CDH8: variants seen among roughly 807,000 people sequenced by gnomAD.
CDH8 encodes the protein cadherin 8.
In CDH8, 17 loss-of-function variants were observed where a neutral mutation model predicts 68.1. The ratio of observed to expected loss-of-function variants is 0.25; its 90% CI spans 0.17 to 0.37. The LOEUF (loss-of-function observed/expected upper bound fraction) is 0.37, where lower values mean the gene tolerates loss of function less well. Among genes scored for constraint, CDH8 ranks in the 10% least tolerant of loss-of-function variants. The probability of loss-of-function intolerance (pLI) is 1.00; values close to 1 mark genes in which losing one functional copy is unlikely to be tolerated. For synonymous variants in CDH8, 372 were observed against 365.1 expected (o/e 1.02, Z -0.21); for missense variants, 763 against 999.3 (o/e 0.76, Z 3.19).
chr16:61,794,054 A>G (rs1391691913), intron 7 of CDH8, among the ~76,000 whole-genome samples: 1 of 152,064 alleles, frequency 6.6e-6, no homozygotes, highest in African/African-American at 2.4e-5. Flanking sequence ...ATCTAAGTAA[A>G]CATGATTTAT....
intron 8 of CDH8, among the ~76,000 whole-genome samples, chr16:61,767,505 A>C (rs1960625110): frequency 6.6e-6 from 1 of 151,924 alleles, no homozygotes; most frequent in Admixed American, 6.6e-5. Context: ...AGAATAAAGA[A>C]TCAGTGTGCA....
intron 4 of CDH8, among the ~76,000 whole-genome samples, chr16:61,825,663 T>C (rs1962315671): frequency 6.6e-6 from 1 of 151,846 alleles, no homozygotes; most frequent in Non-Finnish European, 1.5e-5. Flanking sequence ...AAATGTGTCA[T>C]TAGAATCAAC....
At chr16:61,688,838 G>C (rs901152434) in intron 10 of CDH8, among the ~76,000 whole-genome samples, 1 of 151,872 alleles carries the variant, frequency 6.6e-6, no homozygotes, top group Non-Finnish European at 1.5e-5. Context: ...TCTTCAAAGC[G>C]ATGTTTTCAA....
intron 2 of CDH8, among the ~76,000 whole-genome samples, chr16:61,930,835 T>A (rs1311266064): frequency 6.6e-6 from 1 of 152,202 alleles, no homozygotes; most frequent in Non-Finnish European, 1.5e-5. Context: ...TCTAGATATT[T>A]GTCTGCAACA....
intron 2 of CDH8, among the ~76,000 whole-genome samples, chr16:61,981,352 G>A (rs1229475136): frequency 1.3e-5 from 2 of 152,064 alleles, no homozygotes; most frequent in Non-Finnish European, 2.9e-5. Context: ...ACCATAAAAT[G>A]TACACAGTCT....
In CDH8 at chr16:61,854,282, T is replaced by A. The variant is rs1389215393; in HGVS notation, c.667+2837A>T. ...TTTAGGCTTGACCTCAGGATCCAAG[T>A]CAAGACCCTGCTTTCCACAGGCACA... On this transcript the variant is annotated intron_variant, in intron 4 of 11. Coordinates refer to ENST00000577390, the MANE Select transcript of CDH8 (RefSeq NM_001796.5). Among the ~76,000 whole-genome samples, 4 of 151,990 alleles carry A rather than the reference T, an allele frequency of 2.6e-5. No homozygotes were observed. The South Asian group carries it at 8.3e-4, about 31-fold the overall frequency.
chr16:61,782,653 A>C lies in CDH8; in HGVS notation c.1414+6693T>G, dbSNP rs374856279. Among the ~76,000 whole-genome samples, 67 of 152,032 alleles carry C rather than the reference A, an allele frequency of 4.4e-4. 2 individuals are homozygous for C. In the East Asian group the frequency reaches 9.3e-3, roughly 21 times the overall value. On this transcript the variant is annotated intron_variant, in intron 8 of 11. Coordinates refer to ENST00000577390, the MANE Select transcript of CDH8 (RefSeq NM_001796.5). ...TGGGGGCAGGGCACAGACAAACAAA[A>C]AGACAGCAGTAACCTCTGCAGACTT...
intron 2 of CDH8, among the ~76,000 whole-genome samples, chr16:62,004,487 A>G (rs556386118): frequency 1.4e-4 from 22 of 152,202 alleles, no homozygotes; most frequent in Non-Finnish European, 2.9e-4. Flanking sequence ...GAAGCTCTTC[A>G]TTTCAGGCAA....
At chr16:61,665,843 T>C in intron 10 of CDH8, among the ~76,000 whole-genome samples, 1 of 135,056 alleles carries the variant, frequency 7.4e-6, no homozygotes, top group Admixed American at 7.5e-5. Context: ...CCTCCCTCCC[T>C]CCCTCCTTCC....
intron 7 of CDH8, among the ~76,000 whole-genome samples, chr16:61,813,180 T>G (rs922900411): frequency 6.6e-6 from 1 of 152,130 alleles, no homozygotes; most frequent in African/African-American, 2.4e-5. Context: ...GTGAGGTCAT[T>G]TAGAGAATGA....
intron 2 of CDH8, among the ~76,000 whole-genome samples, chr16:62,006,912 GT>G (rs5817333): frequency 0.94 from 116,876 of 123,994 alleles, 54,933 homozygotes; most frequent in East Asian, 0.97. Flanking sequence ...TAATCTTTTT[GT>G]TTTTTTTTTT....
At chr16:61,728,605 A>G (rs186584334) in intron 8 of CDH8, among the ~76,000 whole-genome samples, 3,521 of 151,224 alleles carry the variant, frequency 0.023, 69 homozygotes, top group Non-Finnish European at 0.035. Context: ...CTAAATAGAC[A>G]TTTAACTTAT....
At chr16:61,658,027 A>T (rs1236112796) in intron 10 of CDH8, among the ~76,000 whole-genome samples, 2 of 152,060 alleles carry the variant, frequency 1.3e-5, no homozygotes, top group Non-Finnish European at 2.9e-5. Flanking sequence ...ATTCTTGCTA[A>T]ATTTTACCTG....
At chr16:61,686,202 T>C (rs1462881898) in intron 10 of CDH8, among the ~76,000 whole-genome samples, 1 of 152,044 alleles carries the variant, frequency 6.6e-6, no homozygotes, top group Non-Finnish European at 1.5e-5. Flanking sequence ...TCTGAATGTT[T>C]AGAAAAATTA....
intron 2 of CDH8, among the ~76,000 whole-genome samples, chr16:61,960,540 C>G (rs1477514971): frequency 6.6e-6 from 1 of 151,954 alleles, no homozygotes; most frequent in Admixed American, 6.6e-5. Flanking sequence ...ACTATTTTTT[C>G]TTAGTAATAA....
intron 8 of CDH8, among the ~76,000 whole-genome samples, chr16:61,746,841 C>T (rs1960035628): frequency 1.3e-5 from 2 of 151,942 alleles, no homozygotes; most frequent in South Asian, 4.1e-4. Context: ...TATGCTTTTG[C>T]CACAGTAAAT....
rs533305246 is a variant in CDH8, at chr16:61,772,853, C to A, written c.1414+16493G>T. 2.6e-4 allele frequency among the ~76,000 whole-genome samples: 40 copies of A among 152,016 alleles called. No individual in the cohort carries two copies. In the East Asian group the frequency reaches 6.8e-3, roughly 26 times the overall value. ...AGCCCTCCAGGTGATTCTGACGCAC[C>A]AAAAAATTTAAGAAACACCTTCCTT... On this transcript the variant is annotated intron_variant, in intron 8 of 11. Transcript: ENST00000577390.
intron 8 of CDH8, among the ~76,000 whole-genome samples, chr16:61,761,655 A>G (rs970137876): frequency 6.6e-6 from 1 of 152,188 alleles, no homozygotes; most frequent in Non-Finnish European, 1.5e-5. Context: ...AAGCTTTAAC[A>G]GCATCTTCCT....
At chr16:61,977,080 C>G (rs1965448517) in intron 2 of CDH8, among the ~76,000 whole-genome samples, 1 of 152,052 alleles carries the variant, frequency 6.6e-6, no homozygotes, top group Admixed American at 6.6e-5. Context: ...CACCATCTGT[C>G]AAAAAATAAA....
Sources: gnomAD v4.1 joint callset for allele counts (sites outside exome capture counted in the v4.1 genomes callset) on GRCh38, gnomAD v4.1.1 for gene constraint, MANE v1.5 for transcripts, NCBI Gene and HGNC (gene_info 2026-07-23, HGNC 2026-07-21) for gene names.